Variants in TNFRSF19 observed in about 807,000 individuals in gnomAD.
TNFRSF19 encodes tumor necrosis factor receptor superfamily member 19.
A neutral mutation model predicts 46.4 loss-of-function variants in TNFRSF19; 27 were observed. That is an observed-to-expected ratio of 0.58 (90% CI 0.43 to 0.80). TNFRSF19 has a LOEUF of 0.80. Among genes scored for constraint, TNFRSF19 ranks in the 30% least tolerant of loss-of-function variants. The pLI is 0.00. For synonymous variants in TNFRSF19, 204 were observed against 205.0 expected (o/e 1.00, Z 0.04); for missense variants, 511 against 530.8 (o/e 0.96, Z 0.37).
At chr13:23,633,268 A>G (rs1050379477) in intron 5 of TNFRSF19, among the ~76,000 whole-genome samples, 3 of 152,162 alleles carry the variant, frequency 2.0e-5, no homozygotes, top group African/African-American at 7.2e-5. Flanking sequence ...ACATGCCAGC[A>G]TGGCTGGCTA....
chr13:23,620,243 G>A (rs1881563747), intron 4 of TNFRSF19, among the ~76,000 whole-genome samples: 1 of 152,174 alleles, frequency 6.6e-6, no homozygotes, highest in South Asian at 2.1e-4. Flanking sequence ...GAGGCAGAAA[G>A]ACGTGAGCAA....
intron 7 of TNFRSF19, among the ~76,000 whole-genome samples, chr13:23,663,111 G>A (rs960531417): frequency 1.3e-5 from 2 of 152,174 alleles, no homozygotes; most frequent in African/African-American, 4.8e-5. Context: ...CAAGGGGAAT[G>A]CTTCCAGCTT....
At chr13:23,611,148 ACACT>A (rs747591581) in intron 3 of TNFRSF19, among the ~76,000 whole-genome samples, 96 of 148,722 alleles carry the variant, frequency 6.5e-4, no homozygotes, top group East Asian at 1.9e-3. Flanking sequence ...ACACACACAC[ACACT>A]CCTTCTCTTG....
At chr13:23,606,670 A>G (rs564870473) in intron 3 of TNFRSF19, among the ~76,000 whole-genome samples, 3 of 152,366 alleles carry the variant, frequency 2.0e-5, no homozygotes, top group African/African-American at 7.2e-5. Context: ...TATAAATCAT[A>G]TATTTTGCCA....
intron 5 of TNFRSF19, among the ~76,000 whole-genome samples, chr13:23,641,050 G>A (rs958548766): frequency 2.0e-5 from 3 of 152,178 alleles, no homozygotes; most frequent in African/African-American, 2.4e-5. Flanking sequence ...GTTTTAGTTC[G>A]TTTAATAAAA....
chr13:23,614,364 T>A lies in TNFRSF19; in HGVS notation c.181-1503T>A, dbSNP rs1881108116. The stretch of plus-strand genomic sequence containing the variant: ...AGTTTATTAAGTACAGGCAGCACTA[T>A]CCTTCAAGTTGGTTTTCATTTAATT... On this transcript the variant is annotated intron_variant, in intron 3 of 9. Transcript: ENST00000248484. Among the ~76,000 whole-genome samples the A allele has an allele frequency of 2.0e-5, 3 of 152,254 alleles. No homozygotes were observed. In the South Asian group the frequency reaches 6.2e-4, roughly 31 times the overall value.
intron 5 of TNFRSF19, among the ~76,000 whole-genome samples, chr13:23,639,824 G>C (rs1216643800): frequency 6.6e-6 from 1 of 152,230 alleles, no homozygotes; most frequent in African/African-American, 2.4e-5. Flanking sequence ...TCCAAGCGCT[G>C]CACATGGCTG....
chr13:23,614,102 C>G (rs1055014624), intron 3 of TNFRSF19, among the ~76,000 whole-genome samples: 1 of 152,136 alleles, frequency 6.6e-6, no homozygotes, highest in Non-Finnish European at 1.5e-5. Context: ...TTGTCTCCCC[C>G]CTCCTCTCTG....
chr13:23,641,103 T>G (rs1883013257), intron 5 of TNFRSF19, among the ~76,000 whole-genome samples: 1 of 152,194 alleles, frequency 6.6e-6, no homozygotes, highest in South Asian at 2.1e-4. Flanking sequence ...AAAATTACAC[T>G]CAATTATGGT....
intron 5 of TNFRSF19, among the ~76,000 whole-genome samples, chr13:23,636,991 A>C (rs1049404958): frequency 6.6e-6 from 1 of 152,196 alleles, no homozygotes; most frequent in Non-Finnish European, 1.5e-5. Context: ...ATAATATTAT[A>C]ATATTTGCTA....
intron 2 of TNFRSF19, among the ~76,000 whole-genome samples, chr13:23,592,724 T>C (rs1879404691): frequency 6.6e-6 from 1 of 152,194 alleles, no homozygotes; most frequent in Admixed American, 6.5e-5. Context: ...TTAGAAATTA[T>C]TATTTGAAAG....
chr13:23,662,736 G>A (rs576801071), intron 7 of TNFRSF19, among the ~76,000 whole-genome samples: 21 of 150,958 alleles, frequency 1.4e-4, no homozygotes, highest in South Asian at 4.2e-4. Context: ...TTTTACCTCC[G>A]TGGTTAGCTG....
Position 23,590,219 on chromosome 13 carries a change from G to A in TNFRSF19, c.36G>A (p.Thr12=), listed in dbSNP as rs764783898. Residue 12 remains threonine (T), a synonymous_variant, in exon 2 of 10, where the codon ACG becomes ACA. Transcript: ENST00000248484. ...AAGTGCTACTAGAACAAGAGAAAAC[G>A]TTTTTCACTCTTTTAGTATTACTAG... ...ALKVLLEQEK[T]FFTLLVLLGY... 9.4e-6 allele frequency: 15 copies of A among 1,593,596 alleles called. No individual in the cohort carries two copies. In the Admixed American group the frequency reaches 1.1e-4, roughly 11 times the overall value.
At chr13:23,619,220 C>CAT (rs56955333) in intron 4 of TNFRSF19, among the ~76,000 whole-genome samples, 100,095 of 151,938 alleles carry the variant, frequency 0.66, 33,667 homozygotes, top group Middle Eastern at 0.76. Context: ...GAAATGCTGA[C>CAT]ATGCTATGAG....
intron 4 of TNFRSF19, 110 bp from the exon 5 acceptor site, chr13:23,626,597 C>T (rs1160847935): frequency 1.0e-6 from 1 of 955,248 alleles, no homozygotes; most frequent in South Asian, 1.6e-5. Flanking sequence ...ATTTAAGCCT[C>T]TGTGTACTTT....
chr13:23,610,559 C>T (rs1358786313), intron 3 of TNFRSF19, among the ~76,000 whole-genome samples: 1 of 149,242 alleles, frequency 6.7e-6, no homozygotes, highest in African/African-American at 2.5e-5. Context: ...GACTATATGG[C>T]CTCACCACAT....
intron 1 of TNFRSF19, among the ~76,000 whole-genome samples, chr13:23,580,979 T>G (rs1470779618): frequency 6.6e-6 from 1 of 152,250 alleles, no homozygotes; most frequent in Non-Finnish European, 1.5e-5. Flanking sequence ...GTTAGTATTT[T>G]CAGAGCAATC....
intron 3 of TNFRSF19, among the ~76,000 whole-genome samples, chr13:23,597,310 G>GT (rs906474753): frequency 1.3e-4 from 20 of 151,604 alleles, no homozygotes; most frequent in Middle Eastern, 3.2e-3. Context: ...TCCAGGAGCT[G>GT]TTTTTTTTAA....
rs1441413179 is a variant in TNFRSF19 at position 23,668,049 on chromosome 13, G to A, written c.806G>A (p.Cys269Tyr). ...ACSPNPATLG[C>Y]GVHSAASLQA... ...AGCCCCAACCCGGCGACTCTTGGTT[G>A]TGGGGTGCATTCTGCAGCCAGTCTT... is the stretch of plus-strand genomic sequence containing the variant. The change falls in exon 8 of 10, where the codon TGT becomes TAT. Residue 269 changes from cysteine to tyrosine, a missense_variant. Physicochemically the swap from Cys to Tyr is radical, Grantham distance 194. Coordinates refer to ENST00000248484, the MANE Select transcript of TNFRSF19 (RefSeq NM_148957.4). 1 of 1,609,760 alleles carries A rather than the reference G, an allele frequency of 6.2e-7. No individual in the cohort carries two copies. The highest frequency in any genetic ancestry group is 8.5e-7 in the Non-Finnish European group (1 of 1,178,294).
Sources: gnomAD v4.1 joint callset for allele counts (sites outside exome capture counted in the v4.1 genomes callset) on GRCh38, gnomAD v4.1.1 for gene constraint, MANE v1.5 for transcripts, NCBI Gene and HGNC (gene_info 2026-07-23, HGNC 2026-07-21) for gene names.